PEAK3: variants seen among roughly 807,000 people sequenced by gnomAD.
The protein encoded by PEAK3 is protein PEAK3.
PEAK3 carries 15 observed loss-of-function variants against 13.3 expected under a neutral mutation model. That is an observed-to-expected ratio of 1.13 (90% CI 0.75 to 1.73). The LOEUF is 1.73. Among genes scored for constraint, PEAK3 ranks in the 40% most tolerant of loss-of-function variants. The pLI, the probability that PEAK3 is intolerant of heterozygous loss-of-function variation, is 0.00. For missense variants in PEAK3, 739 were observed against 690.2 expected, an observed-to-expected ratio of 1.07 and a Z score of -0.79; for synonymous variants, 347 against 341.9, an observed-to-expected ratio of 1.01 and a Z score of -0.17.
Position 2,275,456 on chromosome 19 carries a change from G to T in PEAK3, c.*224C>A. ...AGAGCTGCTGCCCAACACAGGAGGC[G>T]CTGGCCAGCCCCCAGCCCTGGAGGG... is the stretch of plus-strand genomic sequence containing the variant. On this transcript the variant is annotated 3_prime_UTR_variant, in exon 4 of 4. Transcript: ENST00000342063. 1 of 384,050 alleles carries T rather than the reference G, an allele frequency of 2.6e-6. No individual in the cohort carries two copies. The highest frequency in any genetic ancestry group is 4.6e-6 in the Non-Finnish European group (1 of 219,034). The allele number at this position is 384,050 out of a possible 1,614,324, so 23.8% of individuals were successfully genotyped here.
Position 2,275,676 on chromosome 19 carries a change from G to A in PEAK3, c.*4C>T. ...GGACCAGGTGTGTTCGCCCTGGGTTGGGGTCAGTCCCACAGCAGCGCCAGG... is the reference window on the plus strand; with the variant it reads ...GGACCAGGTGTGTTCGCCCTGGGTTAGGGTCAGTCCCACAGCAGCGCCAGG... On this transcript the variant is annotated 3_prime_UTR_variant, in exon 4 of 4. Transcript: ENST00000342063. 4 of 1,461,872 alleles carry A rather than the reference G, an allele frequency of 2.7e-6. No homozygotes were observed. The South Asian group carries it at 5.7e-5, about 21-fold the overall frequency. The allele number at this position is 1,461,872 out of a possible 1,614,324, so 90.6% of individuals were successfully genotyped here.
chr19:2,276,779 G>A (rs2025394503), intron 3 of PEAK3, among the ~76,000 whole-genome samples: 3 of 152,166 alleles, frequency 2.0e-5, no homozygotes, highest in Non-Finnish European at 4.4e-5. Flanking sequence ...CCAGCACTTT[G>A]GGAGGCAGGG....
At chr19:2,281,550 T>C (rs374504007) in intron 1 of PEAK3, among the ~76,000 whole-genome samples, 190 of 77,198 alleles carry the variant, frequency 2.5e-3, no homozygotes, top group East Asian at 9.4e-3. Flanking sequence ...TGTGTGATCC[T>C]GAGTGGGTTT....
rs1356696288 is a variant in PEAK3 at position 2,275,895 on chromosome 19, C to T, written c.1207G>A (p.Gly403Arg). The change falls in exon 4 of 4, where the codon GGG (glycine) becomes AGG (arginine). Residue 403 changes from glycine to arginine, a missense_variant. Physicochemically the swap from Gly to Arg is moderately radical, Grantham distance 125. Coordinates refer to ENST00000342063, the MANE Select transcript of PEAK3 (RefSeq NM_198532.3). ...GCTCCGCGGCCGCGCAGCTCAGGCC[C>T]GGGCCCCCAGAGCAGCGCCTGCAGC... Reference protein sequence around the residue: ...GALQALLWGPGPELRGRGAPL... With the variant: ...GALQALLWGPRPELRGRGAPL... 7 of 1,401,216 alleles carry T rather than the reference C, an allele frequency of 5.0e-6. 1 individual carries two copies. In the South Asian group the frequency reaches 9.0e-5, roughly 18 times the overall value. 86.8% of individuals were successfully genotyped at this position (1,401,216 alleles called of 1,614,324 possible). A position where few individuals can be genotyped will look rare whatever the true frequency, so the allele number is the denominator to read the frequency against.
Position 2,275,997 on chromosome 19 carries a change from G to A in PEAK3, c.1105C>T (p.Pro369Ser). The A allele has an allele frequency of 7.1e-7, 1 of 1,413,932 alleles. No homozygotes were observed. Among genetic ancestry groups the A allele is most frequent in the Non-Finnish European group, 9.2e-7 (1 of 1,089,908 alleles). The allele number at this position is 1,413,932 out of a possible 1,614,324, so 87.6% of individuals were successfully genotyped here. A position where few individuals can be genotyped will look rare whatever the true frequency, so the allele number is the denominator to read the frequency against. Residue 369 changes from proline (P) to serine (S), a missense_variant, in exon 4 of 4, where the codon CCT becomes TCT. Transcript: ENST00000342063. Reference protein sequence around the residue: ...LLSLAAPSTTPLAAGLELLAA... With the variant: ...LLSLAAPSTTSLAAGLELLAA... ...AGGAGCTCCAGGCCCGCGGCCAAAG[G>A]CGTGGTCGAGGGCGCAGCAAGGCTG...
At position 2,276,341 on chromosome 19, in the gene PEAK3, G is replaced by A. The variant is rs202010475; in HGVS notation, c.761C>T (p.Ala254Val). 159 of 1,599,282 alleles carry A rather than the reference G, an allele frequency of 9.9e-5. 2 individuals carry two copies. The Admixed American group carries it at 2.5e-3, about 26-fold the overall frequency. The change falls in exon 4 of 4, where the codon GCA (alanine) becomes GTA (valine). Residue 254 changes from alanine to valine, a missense_variant. By Grantham distance (64) the Ala-to-Val change is moderately conservative. Coordinates refer to ENST00000342063, the MANE Select transcript of PEAK3 (RefSeq NM_198532.3). ...GAPWRGAVAL[A>V]AEVPERTVAQ... ...CACCGTGCGCTCTGGAACCTCGGCTGCCAGCGCCACTGCGCCTCTCCAGGG... is the reference window on the plus strand; with the variant it reads ...CACCGTGCGCTCTGGAACCTCGGCTACCAGCGCCACTGCGCCTCTCCAGGG...
intron 3 of PEAK3, among the ~76,000 whole-genome samples, chr19:2,278,258 G>A (rs1217552307): frequency 1.3e-5 from 2 of 150,980 alleles, no homozygotes; most frequent in Admixed American, 6.6e-5. Context: ...TCTGCCTCCC[G>A]GGTTCAAGCA....
intron 3 of PEAK3, 48 bp downstream of exon 3, chr19:2,278,536 G>A: frequency 7.1e-7 from 1 of 1,411,952 alleles, no homozygotes; most frequent in Non-Finnish European, 9.2e-7. Flanking sequence ...TTATGTCTAA[G>A]ATGGGGCACT....
At chr19:2,279,254 CAGCACTTAGGA>C (rs2025420568) in intron 2 of PEAK3, 141 bp from the exon 3 acceptor site, 1 of 671,358 alleles carries the variant, frequency 1.5e-6, no homozygotes, top group Non-Finnish European at 2.2e-6. Context: ...CTTGTAATCC[CAGCACTTAGGA>C]AGGTGGAAGC....
Position 2,280,897 on chromosome 19 carries a change from TC to T in PEAK3, c.34del (p.Glu12SerfsTer53), listed in dbSNP as rs1440235752. 2.5e-6 allele frequency: 4 copies of T among 1,593,798 alleles called. No individual in the cohort carries two copies. Among genetic ancestry groups the T allele is most frequent in the South Asian group, 1.1e-5 (1 of 88,862 alleles). ...AGTCGACCAGGTGGGGTTGTCGGGC[TC>T]GGGGGGCTCTGTGGGGGGCTCCGGG... ...SSPEPPTEPP[E>X]PDNPTWSTQP... On this transcript the variant is annotated frameshift_variant, in exon 2 of 4. Coordinates refer to ENST00000342063, the MANE Select transcript of PEAK3 (RefSeq NM_198532.3). LOFTEE classifies it high-confidence loss of function.
chr19:2,275,659 T>G lies in PEAK3; in HGVS notation c.*21A>C, dbSNP rs369409590. 6 of 1,426,804 alleles carry G rather than the reference T, an allele frequency of 4.2e-6. No individual in the cohort carries two copies. In the South Asian group the frequency reaches 4.7e-5, roughly 11 times the overall value. The allele number at this position is 1,426,804 out of a possible 1,614,324, so 88.4% of individuals were successfully genotyped here. ...GCCTCCTGGGCAGGCCTGGACCAGG[T>G]GTGTTCGCCCTGGGTTGGGGTCAGT... On this transcript the variant is annotated 3_prime_UTR_variant, in exon 4 of 4. Coordinates refer to ENST00000342063, the MANE Select transcript of PEAK3 (RefSeq NM_198532.3).
intron 2 of PEAK3, among the ~76,000 whole-genome samples, 191 bp from the exon 3 acceptor site, chr19:2,279,304 G>T (rs529244606): frequency 1.3e-5 from 2 of 152,194 alleles, no homozygotes; most frequent in East Asian, 1.9e-4. Context: ...GGAACCTAGG[G>T]TTTGAGACCA....
Position 2,276,383 on chromosome 19 carries a change from C to A in PEAK3, c.719G>T (p.Gly240Val). 6.3e-7 allele frequency: 1 copy of A among 1,599,812 alleles called. No individual in the cohort carries two copies. The highest frequency in any genetic ancestry group is 8.5e-7 in the Non-Finnish European group (1 of 1,178,652). ...TCTCCAGGGCGCCCCGGGCAGTGTG[C>A]CTTCAGGCACCAGGCCACACAGCCC... ...LQGLCGLVPEGTLPGAPWRGA... is the reference protein window; with the variant it reads ...LQGLCGLVPEVTLPGAPWRGA... Residue 240 changes from glycine (G) to valine (V), a missense_variant, in exon 4 of 4, where the codon GGC (glycine) becomes GTC (valine). Physicochemically the swap from Gly to Val is moderately radical, Grantham distance 109. Coordinates refer to ENST00000342063, the MANE Select transcript of PEAK3 (RefSeq NM_198532.3).
chr19:2,280,804 G>T (rs374242436), intron 2 of PEAK3, 46 bp downstream of exon 2: 18 of 1,451,478 alleles, frequency 1.2e-5, no homozygotes, highest in Non-Finnish European at 1.5e-5. Context: ...CCCCCCTGCC[G>T]CTCCCTGCAC....
chr19:2,275,656 A>G lies in PEAK3; in HGVS notation c.*24T>C, dbSNP rs2025377999. The stretch of plus-strand genomic sequence containing the variant: ...CCTGCCTCCTGGGCAGGCCTGGACC[A>G]GGTGTGTTCGCCCTGGGTTGGGGTC... On this transcript the variant is annotated 3_prime_UTR_variant, in exon 4 of 4. Coordinates refer to ENST00000342063, the MANE Select transcript of PEAK3 (RefSeq NM_198532.3). The G allele has an allele frequency of 2.1e-6, 3 of 1,419,314 alleles. No individual in the cohort carries two copies. The highest frequency in any genetic ancestry group is 1.9e-4 in the Middle Eastern group (1 of 5,196). The allele number at this position is 1,419,314 out of a possible 1,614,324, so 87.9% of individuals were successfully genotyped here. A position where few individuals can be genotyped will look rare whatever the true frequency, so the allele number is the denominator to read the frequency against.
In PEAK3 at chr19:2,274,834, T is replaced by A. The variant is rs1326451009; in HGVS notation, c.*846A>T. 7.8e-6 allele frequency: 1 copy of A among 129,004 alleles called. No individual in the cohort carries two copies. The highest frequency in any genetic ancestry group is 1.6e-5 in the Non-Finnish European group (1 of 64,002). 8.0% of individuals were successfully genotyped at this position (129,004 alleles called of 1,614,324 possible). On this transcript the variant is annotated 3_prime_UTR_variant, in exon 4 of 4. Coordinates refer to ENST00000342063, the MANE Select transcript of PEAK3 (RefSeq NM_198532.3). ...AAAAATACAAAAAATTAGCCGGGCGTGGTGGCGGGCGCCTGTAGTCCCAGC... is the reference window on the plus strand; with the variant it reads ...AAAAATACAAAAAATTAGCCGGGCGAGGTGGCGGGCGCCTGTAGTCCCAGC...
Position 2,275,794 on chromosome 19 carries a change from TGCTAGGC to T in PEAK3, c.1301_1307del (p.Arg434GlnfsTer123). 1 of 1,562,692 alleles carries T rather than the reference TGCTAGGC, an allele frequency of 6.4e-7. No homozygotes were observed. The highest frequency in any genetic ancestry group is 8.6e-7 in the Non-Finnish European group (1 of 1,160,328). ...GAGCTTCCCCACCTGCGGCCCGCTC[TGCTAGGC>T]GCAGGACCAGCAGCCCGCGGCGCAC... is the stretch of plus-strand genomic sequence containing the variant. On this transcript the variant is annotated frameshift_variant, in exon 4 of 4. Transcript: ENST00000342063. LOFTEE classifies it low-confidence loss of function (END_TRUNC).
At chr19:2,281,667 G>A (rs1471574904) in intron 1 of PEAK3, among the ~76,000 whole-genome samples, 1 of 145,282 alleles carries the variant, frequency 6.9e-6, no homozygotes, top group Non-Finnish European at 1.5e-5. Context: ...CTGGGGCCCT[G>A]CTGTGTGATC....
chr19:2,276,741 T>C (rs1340806989), intron 3 of PEAK3, among the ~76,000 whole-genome samples: 1 of 152,112 alleles, frequency 6.6e-6, no homozygotes, highest in Non-Finnish European at 1.5e-5. Flanking sequence ...AGCAGATTCC[T>C]GGGCCGGGCG....
Sources: gnomAD v4.1 joint callset for allele counts (sites outside exome capture counted in the v4.1 genomes callset) on GRCh38, gnomAD v4.1.1 for gene constraint, MANE v1.5 for transcripts, NCBI Gene and HGNC (gene_info 2026-07-23, HGNC 2026-07-21) for gene names.